The following PLCL1 variants were observed in gnomAD, a reference collection of about 807,000 sequenced individuals.
PLCL1 encodes the protein inactive phospholipase C-like protein 1.
A neutral mutation model predicts 84.4 loss-of-function variants in PLCL1; 41 were observed. The ratio of observed to expected loss-of-function variants is 0.49; its 90% CI spans 0.38 to 0.63. The LOEUF (loss-of-function observed/expected upper bound fraction) is 0.63, where lower values mean the gene tolerates loss of function less well. PLCL1 is among the 30% of genes least tolerant of loss of function. The pLI is 0.00. For synonymous variants in PLCL1, 490 were observed against 488.3 expected (o/e 1.00, Z -0.05); for missense variants, 1,206 against 1,367.8 (o/e 0.88, Z 1.87).
chr2:197,911,774 T>C (rs560042152), intron 1 of PLCL1, among the ~76,000 whole-genome samples: 25 of 152,318 alleles, frequency 1.6e-4, no homozygotes, highest in Admixed American at 4.6e-4. Context: ...AGTAAAAACA[T>C]TGGGCATTTG....
chr2:197,954,772 G>A (rs1447805796), intron 1 of PLCL1, among the ~76,000 whole-genome samples: 2 of 151,936 alleles, frequency 1.3e-5, no homozygotes, highest in African/African-American at 4.8e-5. Context: ...AACCATCTTT[G>A]TTCTTTCTCT....
At chr2:198,117,056 C>T (rs1234759708) in intron 5 of PLCL1, among the ~76,000 whole-genome samples, 1 of 151,878 alleles carries the variant, frequency 6.6e-6, no homozygotes, top group African/African-American at 2.4e-5. Context: ...AGCTACTCAG[C>T]AGCTGGCCTT....
chr2:197,873,925 A>G lies in PLCL1; in HGVS notation c.240+68586A>G, dbSNP rs186924070. 5.9e-5 allele frequency among the ~76,000 whole-genome samples: 9 copies of G among 152,178 alleles called. No individual in the cohort carries two copies. In the East Asian group the frequency reaches 1.7e-3, roughly 29 times the overall value. On this transcript the variant is annotated intron_variant, in intron 1 of 5. Coordinates refer to ENST00000428675, the MANE Select transcript of PLCL1 (RefSeq NM_006226.4). ...CCAGTGTAGTTCATTTCATCTCCAC[A>G]CTCAGCTGTTCACTGATAGCTTTTC...
At chr2:198,010,966 A>T (rs1201448299) in intron 1 of PLCL1, among the ~76,000 whole-genome samples, 1 of 151,676 alleles carries the variant, frequency 6.6e-6, no homozygotes, top group Non-Finnish European at 1.5e-5. Flanking sequence ...ATCAGTGGTA[A>T]TATCTCTTTT....
chr2:198,145,902 A>G (rs918319851), intron 5 of PLCL1, among the ~76,000 whole-genome samples: 8 of 152,130 alleles, frequency 5.3e-5, no homozygotes, highest in Non-Finnish European at 1.2e-4. Flanking sequence ...TCACACTTTC[A>G]GGCACTGCCA....
chr2:198,087,446 G>A (rs1410405192), intron 2 of PLCL1, among the ~76,000 whole-genome samples: 1 of 152,106 alleles, frequency 6.6e-6, no homozygotes, highest in African/African-American at 2.4e-5. Flanking sequence ...AATGTGCAAA[G>A]TGGATATTAT....
chr2:198,035,854 G>A (rs1044292157), intron 1 of PLCL1, among the ~76,000 whole-genome samples: 1 of 152,164 alleles, frequency 6.6e-6, no homozygotes, highest in African/African-American at 2.4e-5. Context: ...GGCCAACATG[G>A]CGAAACCCCA....
intron 1 of PLCL1, among the ~76,000 whole-genome samples, chr2:198,001,287 A>AT (rs577265506): frequency 1.4e-3 from 215 of 152,032 alleles, no homozygotes; most frequent in African/African-American, 4.4e-3. Context: ...TTATTGAGGG[A>AT]TTTTTTTTGT....
chr2:197,930,910 A>G (rs1373569822), intron 1 of PLCL1, among the ~76,000 whole-genome samples: 2 of 152,162 alleles, frequency 1.3e-5, no homozygotes, highest in East Asian at 1.9e-4. Context: ...CTTGTTTTCT[A>G]TAAAGATAGG....
At chr2:197,921,666 C>T (rs1688700628) in intron 1 of PLCL1, among the ~76,000 whole-genome samples, 1 of 152,186 alleles carries the variant, frequency 6.6e-6, no homozygotes, top group Admixed American at 6.5e-5. Flanking sequence ...GCACACTCCA[C>T]TCTTGTTCCA....
At chr2:197,920,432 A>G (rs1201462572) in intron 1 of PLCL1, among the ~76,000 whole-genome samples, 12 of 152,056 alleles carry the variant, frequency 7.9e-5, no homozygotes, top group African/African-American at 2.9e-4. Flanking sequence ...GGAATTGGAA[A>G]TTATTACTAT....
chr2:198,051,158 A>G (rs1211986086), intron 1 of PLCL1, among the ~76,000 whole-genome samples: 1 of 152,210 alleles, frequency 6.6e-6, no homozygotes, highest in African/African-American at 2.4e-5. Flanking sequence ...CTCATTAGAA[A>G]GGGAACTGAA....
At chr2:197,874,860 G>T (rs1437652093) in intron 1 of PLCL1, among the ~76,000 whole-genome samples, 1 of 152,064 alleles carries the variant, frequency 6.6e-6, no homozygotes, top group Non-Finnish European at 1.5e-5. Flanking sequence ...TTTAATAGTA[G>T]GATAGATAAC....
chr2:197,997,860 C>T (rs1690503850), intron 1 of PLCL1, among the ~76,000 whole-genome samples: 1 of 152,116 alleles, frequency 6.6e-6, no homozygotes, highest in African/African-American at 2.4e-5. Context: ...AAAAAGTTCC[C>T]TGAGGCTGAT....
chr2:197,895,981 T>C (rs2105730891), intron 1 of PLCL1, among the ~76,000 whole-genome samples: 1 of 152,090 alleles, frequency 6.6e-6, no homozygotes, highest in East Asian at 1.9e-4. Flanking sequence ...CAACATTATA[T>C]ATTATTCTTT....
chr2:198,030,003 C>T (rs1450847146), intron 1 of PLCL1, among the ~76,000 whole-genome samples: 2 of 151,840 alleles, frequency 1.3e-5, no homozygotes, highest in African/African-American at 2.4e-5. Flanking sequence ...CCAGGCCTTT[C>T]TTTCTTTTTT....
chr2:197,804,722 G>A lies in PLCL1; in HGVS notation c.-378G>A, dbSNP rs1690427885. On this transcript the variant is annotated 5_prime_UTR_variant, in exon 1 of 6. Coordinates refer to ENST00000428675, the MANE Select transcript of PLCL1 (RefSeq NM_006226.4). ...CCCCTATCGGGCCGCCGGCGTCCGG[G>A]CTCCAGAGGCCGCCTGGCTGGGCGC... 1 of 165,348 alleles carries A rather than the reference G, an allele frequency of 6.0e-6. No individual in the cohort carries two copies. The highest frequency in any genetic ancestry group is 1.3e-5 in the Non-Finnish European group (1 of 77,118). 10.2% of individuals were successfully genotyped at this position (165,348 alleles called of 1,614,324 possible).
intron 1 of PLCL1, among the ~76,000 whole-genome samples, chr2:198,052,915 T>A (rs1691976271): frequency 6.6e-6 from 1 of 152,182 alleles, no homozygotes; most frequent in Admixed American, 6.5e-5. Context: ...ACAGTTATAG[T>A]CTCTGCTTAT....
chr2:197,937,723 CAT>C (rs970561229), intron 1 of PLCL1, among the ~76,000 whole-genome samples: 8 of 152,252 alleles, frequency 5.3e-5, no homozygotes, highest in African/African-American at 1.7e-4. Context: ...TGAAAACAAA[CAT>C]AAACTATACA....
Sources: allele counts gnomAD v4.1 joint callset (sites outside exome capture counted in the v4.1 genomes callset), GRCh38; gene constraint gnomAD v4.1.1; transcripts MANE v1.5; gene names NCBI Gene and HGNC (gene_info 2026-07-23, HGNC 2026-07-21).